Variants in SDC1 observed in about 807,000 individuals in gnomAD.
The protein encoded by SDC1 is syndecan-1.
SDC1 carries 14 observed loss-of-function variants against 29.7 expected under a neutral mutation model. The observed-to-expected ratio is 0.47, with a 90% CI of 0.31 to 0.74. SDC1 has a LOEUF of 0.74. Among genes scored for constraint, SDC1 ranks in the 30% least tolerant of loss-of-function variants. The pLI, the probability that SDC1 is intolerant of heterozygous loss-of-function variation, is 0.05. For synonymous variants in SDC1, 204 were observed against 175.5 expected, an observed-to-expected ratio of 1.16 and a Z score of -1.29; for missense variants, 406 against 400.3, an observed-to-expected ratio of 1.01 and a Z score of -0.12.
At chr2:20,211,932 G>A (rs995174067) in intron 1 of SDC1, among the ~76,000 whole-genome samples, 2 of 152,216 alleles carry the variant, frequency 1.3e-5, no homozygotes, top group Admixed American at 6.5e-5. Flanking sequence ...GGTCATATCC[G>A]AGCACCCAGG....
chr2:20,212,377 G>A (rs902102292), intron 1 of SDC1, among the ~76,000 whole-genome samples: 5 of 152,208 alleles, frequency 3.3e-5, no homozygotes, highest in African/African-American at 1.2e-4. Flanking sequence ...GCAGGGCAGG[G>A]CCACAGGCCA....
Position 20,203,943 on chromosome 2 carries a change from G to A in SDC1, c.497C>T (p.Thr166Ile). The A allele has an allele frequency of 1.2e-6, 2 of 1,614,044 alleles. No individual in the cohort carries two copies. Among genetic ancestry groups the A allele is most frequent in the Non-Finnish European group, 1.7e-6 (2 of 1,180,008 alleles). ...DMQPGHHETS[T>I]PAGPSQADLH... is the part of the protein sequence containing the mutation. ...GTCAGCTTGGCTGGGTCCTGCAGGGGTTGAGGTCTCATGGTGGCCAGGCTG... is the reference window on the plus strand; with the variant it reads ...GTCAGCTTGGCTGGGTCCTGCAGGGATTGAGGTCTCATGGTGGCCAGGCTG... The change falls in exon 3 of 5, where the codon ACC becomes ATC. Residue 166 changes from threonine to isoleucine, a missense_variant. Physicochemically the swap from Thr to Ile is moderately conservative, Grantham distance 89 (BLOSUM62 -1). Coordinates refer to ENST00000254351, the MANE Select transcript of SDC1 (RefSeq NM_002997.5).
In SDC1 at chr2:20,220,229, T is replaced by C. The variant is rs112004408; in HGVS notation, c.66+4573A>G. 5.3e-3 allele frequency among the ~76,000 whole-genome samples: 806 copies of C among 152,320 alleles called. 6 individuals carry two copies. Among genetic ancestry groups the C allele is most frequent in the African/African-American group, 0.018 (764 of 41,576 alleles). On this transcript the variant is annotated intron_variant, in intron 1 of 4. Coordinates refer to ENST00000254351, the MANE Select transcript of SDC1 (RefSeq NM_002997.5). ...CAGCCCCCTCAGCCCAAAACGCTCA[T>C]ATCCATGGTCTTCAGGACGGACCAG... is the stretch of plus-strand genomic sequence containing the variant.
intron 1 of SDC1, among the ~76,000 whole-genome samples, chr2:20,223,684 C>G (rs1410499163): frequency 6.6e-6 from 1 of 152,194 alleles, no homozygotes; most frequent in African/African-American, 2.4e-5. Context: ...AGGTCCCAGC[C>G]CCCGTCAAGG....
chr2:20,219,250 C>T (rs1425187317), intron 1 of SDC1, among the ~76,000 whole-genome samples: 1 of 152,202 alleles, frequency 6.6e-6, no homozygotes, highest in East Asian at 1.9e-4. Context: ...CCGAGATCCC[C>T]ACAGTACTGA....
intron 1 of SDC1, among the ~76,000 whole-genome samples, chr2:20,220,500 A>G (rs1677784178): frequency 6.6e-6 from 1 of 152,236 alleles, no homozygotes; most frequent in South Asian, 2.1e-4. Context: ...TAAAGTTCAA[A>G]TAAGAATGAA....
intron 1 of SDC1, among the ~76,000 whole-genome samples, chr2:20,221,195 C>T (rs774415472): frequency 1.9e-4 from 29 of 152,174 alleles, no homozygotes; most frequent in Middle Eastern, 6.3e-3. Context: ...ATCAGTCTCA[C>T]TCACAGGCAA....
upstream of SDC1, chr2:20,225,171 CCA>C (rs1239997071): frequency 4.9e-5 from 11 of 224,816 alleles, no homozygotes; most frequent in Admixed American, 1.2e-4. Flanking sequence ...CCGGCCAGCC[CCA>C]GTCCACACCC....
intron 2 of SDC1, 78 bp downstream of exon 2, chr2:20,205,265 C>T (rs1472444100): frequency 1.8e-6 from 2 of 1,116,818 alleles, no homozygotes; most frequent in Non-Finnish European, 1.4e-6. Context: ...TCAGTAAACA[C>T]AGGAGACTGC....
rs1256331782 is a variant in SDC1, at chr2:20,219,665, G to A, written c.66+5137C>T. On this transcript the variant is annotated intron_variant, in intron 1 of 4. Transcript: ENST00000254351. ...GCTGAGAGAGAAGTGACAGGGTACA[G>A]GATCCCAGCACCAAAGCCCTCTTTC... is the stretch of plus-strand genomic sequence containing the variant. Among the ~76,000 whole-genome samples, 3 of 152,366 alleles carry A rather than the reference G, an allele frequency of 2.0e-5. No homozygotes were observed. In the East Asian group the frequency reaches 5.8e-4, roughly 29 times the overall value.
In SDC1 at chr2:20,224,689, G is replaced by A; in HGVS notation, c.66+113C>T. ...TCCCGGGACCCGCTGGGCTAGCGCG[G>A]GAAGAAGGGAAGTCTTCGCTCCCCC... On this transcript the variant is annotated intron_variant, in intron 1 of 4. Transcript: ENST00000254351. This position sits in a 1 kb window ranked among gnomAD's most constrained non-coding sequence, Gnocchi z 4.9. The A allele has an allele frequency of 8.6e-7, 1 of 1,159,936 alleles. No homozygotes were observed. The highest frequency in any genetic ancestry group is 1.1e-6 in the Non-Finnish European group (1 of 931,540). The allele number at this position is 1,159,936 out of a possible 1,614,324, so 71.9% of individuals were successfully genotyped here. A position where few individuals can be genotyped will look rare whatever the true frequency, so the allele number is the denominator to read the frequency against.
chr2:20,211,681 G>A (rs973652905), intron 1 of SDC1, among the ~76,000 whole-genome samples: 2 of 152,258 alleles, frequency 1.3e-5, no homozygotes, highest in Admixed American at 6.5e-5. Context: ...AGGCAGGTGG[G>A]CTCCGGGGAC....
chr2:20,217,791 A>G (rs950895428), intron 1 of SDC1, among the ~76,000 whole-genome samples: 1 of 152,060 alleles, frequency 6.6e-6, no homozygotes, highest in Non-Finnish European at 1.5e-5. Flanking sequence ...CACTGCCCCA[A>G]CCTGCCCGCC....
rs564084685 is a variant in SDC1 at position 20,210,215 on chromosome 2, C to A, written c.67-4791G>T. Among the ~76,000 whole-genome samples, 418 of 152,314 alleles carry A rather than the reference C, an allele frequency of 2.7e-3. 3 individuals carry two copies. The highest frequency in any genetic ancestry group is 5.5e-3 in the Admixed American group (84 of 15,296). On this transcript the variant is annotated intron_variant, in intron 1 of 4. Coordinates refer to ENST00000254351, the MANE Select transcript of SDC1 (RefSeq NM_002997.5). ...AATTAGCTGGGCGTGGCGGTGTGCA[C>A]CTGTACTCCCAGCTACTTGGGAGGC...
chr2:20,203,981 G>A lies in SDC1; in HGVS notation c.459C>T (p.Pro153=). 2 of 1,614,016 alleles carry A rather than the reference G, an allele frequency of 1.2e-6. No individual in the cohort carries two copies. The highest frequency in any genetic ancestry group is 2.2e-5 in the South Asian group (2 of 91,072). The change falls in exon 3 of 5, where the codon CCC becomes CCT. Residue 153 remains proline, a synonymous_variant. Transcript: ENST00000254351. The stretch of plus-strand genomic sequence containing the variant: ...GGTGGCCAGGCTGCATGTCCCTGTG[G>A]GGGTGGGAGGTGGCGGGCTCCTGGG... ...TTAQEPATSH[P]HRDMQPGHHE...
At position 20,203,160 on chromosome 2, in the gene SDC1, C is replaced by T. The variant is rs771081426; in HGVS notation, c.690G>A (p.Arg230=). Residue 230 remains arginine, a synonymous_variant, in exon 4 of 5, where the codon CGG becomes CGA. Coordinates refer to ENST00000254351, the MANE Select transcript of SDC1 (RefSeq NM_002997.5). ...TAVVAVEPDR[R]NQSPVDQGAT... ...CCCCCTGATCCACTGGGGACTGGTTCCGGCGGTCAGGCTCCACGGCCACTA... is the reference window on the plus strand; with the variant it reads ...CCCCCTGATCCACTGGGGACTGGTTTCGGCGGTCAGGCTCCACGGCCACTA... The T allele has an allele frequency of 2.5e-6, 4 of 1,613,062 alleles. No homozygotes were observed. The highest frequency in any genetic ancestry group is 1.6e-4 in the Middle Eastern group (1 of 6,080).
chr2:20,207,547 A>C (rs918009165), intron 1 of SDC1: 1 of 208,978 alleles, frequency 4.8e-6, no homozygotes, highest in Admixed American at 6.5e-5. Context: ...TCTACTAAAA[A>C]TACAAAAATT....
intron 1 of SDC1, among the ~76,000 whole-genome samples, chr2:20,216,049 A>C (rs1677617242): frequency 6.6e-6 from 1 of 152,246 alleles, no homozygotes; most frequent in East Asian, 1.9e-4. Flanking sequence ...AACCTCATTC[A>C]CGGGAGGTGG....
chr2:20,223,203 C>T, intron 1 of SDC1: 1 of 1,284,154 alleles, frequency 7.8e-7, no homozygotes, highest in Non-Finnish European at 1.0e-6. Flanking sequence ...CACGAGTCAC[C>T]TGGGAAGCAG....
Sources: gnomAD v4.1 joint callset for allele counts (sites outside exome capture counted in the v4.1 genomes callset) on GRCh38, gnomAD v4.1.1 for gene constraint, Gnocchi (gnomAD v3.1) non-coding constraint, MANE v1.5 for transcripts, NCBI Gene and HGNC (gene_info 2026-07-23, HGNC 2026-07-21) for gene names.